The following FRYL variants were observed in gnomAD, a reference collection of about 807,000 sequenced individuals.
FRYL encodes the protein FRY like transcription coactivator.
A neutral mutation model predicts 351.2 loss-of-function variants in FRYL; 150 were observed. The observed-to-expected ratio is 0.43, with a 90% CI of 0.37 to 0.49. The LOEUF (loss-of-function observed/expected upper bound fraction) is 0.49, where lower values mean the gene tolerates loss of function less well. Ranked by LOEUF, FRYL falls within the 20% of genes least tolerant of loss-of-function variation. The pLI is 0.00. For missense variants in FRYL, 3,036 were observed against 3,619.3 expected, an observed-to-expected ratio of 0.84 and a Z score of 4.13; for synonymous variants, 1,153 against 1,257.1, an observed-to-expected ratio of 0.92 and a Z score of 1.75.
At chr4:48,578,422 C>CA (rs1420231439) in intron 23 of FRYL, among the ~76,000 whole-genome samples, 1 of 151,938 alleles carries the variant, frequency 6.6e-6, no homozygotes, top group Non-Finnish European at 1.5e-5. Flanking sequence ...TATTTAAGAG[C>CA]AAAAAAACAA....
At chr4:48,648,847 G>A (rs1223577471) in intron 3 of FRYL, among the ~76,000 whole-genome samples, 3 of 152,156 alleles carry the variant, frequency 2.0e-5, no homozygotes, top group Non-Finnish European at 2.9e-5. Context: ...AGAATAATGA[G>A]TATGAGGTTT....
intron 2 of FRYL, among the ~76,000 whole-genome samples, chr4:48,697,202 T>C (rs1766280076): frequency 6.6e-6 from 1 of 152,068 alleles, no homozygotes; most frequent in Non-Finnish European, 1.5e-5. Context: ...AAGACATTTC[T>C]TATAACAGCC....
At chr4:48,675,905 A>G (rs1317415263) in intron 3 of FRYL, among the ~76,000 whole-genome samples, 1 of 152,186 alleles carries the variant, frequency 6.6e-6, no homozygotes, top group African/African-American at 2.4e-5. Flanking sequence ...AAATACACCA[A>G]TCAGCACCCT....
intron 2 of FRYL, among the ~76,000 whole-genome samples, chr4:48,705,349 T>A (rs1767210683): frequency 6.6e-6 from 1 of 151,270 alleles, no homozygotes; most frequent in Admixed American, 6.6e-5. Flanking sequence ...ACAATCCAAG[T>A]CCCCATCAAT....
intron 23 of FRYL, among the ~76,000 whole-genome samples, chr4:48,577,859 G>T (rs950331138): frequency 6.6e-6 from 1 of 151,332 alleles, no homozygotes; most frequent in African/African-American, 2.4e-5. Flanking sequence ...CTAAGTGACA[G>T]AGTGAGACCC....
intron 2 of FRYL, among the ~76,000 whole-genome samples, chr4:48,690,319 G>C (rs1356603054): frequency 2.6e-5 from 4 of 151,812 alleles, no homozygotes; most frequent in Admixed American, 2.6e-4. Context: ...TATTCCATTT[G>C]TACTGCTCAT....
intron 60 of FRYL, among the ~76,000 whole-genome samples, chr4:48,503,865 G>C (rs181544229): frequency 2.1e-3 from 314 of 152,254 alleles, no homozygotes; most frequent in Non-Finnish European, 2.4e-3. Context: ...TGAGGGTTTA[G>C]TTCATACAGT....
chr4:48,668,324 G>T (rs1255740966), intron 3 of FRYL, among the ~76,000 whole-genome samples: 1 of 150,896 alleles, frequency 6.6e-6, no homozygotes, highest in African/African-American at 2.4e-5. Flanking sequence ...TGAAACTAAG[G>T]CTGGAGATCG....
chr4:48,523,058 A>C lies in FRYL; in HGVS notation c.7364T>G (p.Leu2455Arg). 6.2e-7 allele frequency: 1 copy of C among 1,613,956 alleles called. No homozygotes were observed. Among genetic ancestry groups the C allele is most frequent in the Non-Finnish European group, 8.5e-7 (1 of 1,179,914 alleles). The change falls in exon 54 of 64, where the codon CTG becomes CGG. Residue 2455 changes from leucine to arginine, a missense_variant. Transcript: ENST00000358350. The stretch of plus-strand genomic sequence containing the variant: ...AGTGTCCCCTTTGTCAATACTGTCC[A>C]GTGAGCGCCTGCGAACTCCCCAGTT... ...NFNWGVRRRS[L>R]DSIDKGDTPS...
chr4:48,545,383 C>T (rs1301696731), intron 42 of FRYL, among the ~76,000 whole-genome samples: 1 of 152,088 alleles, frequency 6.6e-6, no homozygotes, highest in Non-Finnish European at 1.5e-5. Context: ...TAACACAGGC[C>T]CAAAGTGCCC....
chr4:48,683,387 C>G (rs1215328252), intron 3 of FRYL, among the ~76,000 whole-genome samples: 1 of 150,248 alleles, frequency 6.7e-6, no homozygotes, highest in Non-Finnish European at 1.5e-5. Flanking sequence ...CCTGCACATT[C>G]TGCACATGTA....
At chr4:48,724,639 A>G (rs1286945766) in intron 1 of FRYL, among the ~76,000 whole-genome samples, 1 of 152,212 alleles carries the variant, frequency 6.6e-6, no homozygotes, top group Non-Finnish European at 1.5e-5. Flanking sequence ...ACAGGAACTC[A>G]ATAAACATTT....
chr4:48,690,752 T>C (rs1252287860), intron 2 of FRYL, among the ~76,000 whole-genome samples: 1 of 152,154 alleles, frequency 6.6e-6, no homozygotes, highest in Non-Finnish European at 1.5e-5. Context: ...TTTTTAATTA[T>C]ACAATGGAAC....
chr4:48,746,654 T>C (rs961930042), intron 1 of FRYL, among the ~76,000 whole-genome samples: 1 of 152,170 alleles, frequency 6.6e-6, no homozygotes, highest in Non-Finnish European at 1.5e-5. Flanking sequence ...CTGAGCAGTC[T>C]GTGACTGCCT....
chr4:48,741,319 G>A (rs984975686), intron 1 of FRYL, among the ~76,000 whole-genome samples: 6 of 152,012 alleles, frequency 3.9e-5, no homozygotes, highest in Non-Finnish European at 8.8e-5. Flanking sequence ...CGAGGCAGGC[G>A]GATCACGAAA....
At chr4:48,525,152 T>C (rs1382350567) in intron 53 of FRYL, among the ~76,000 whole-genome samples, 58 of 147,844 alleles carry the variant, frequency 3.9e-4, no homozygotes, top group Middle Eastern at 3.4e-3. Context: ...TTGCAACTTT[T>C]ATTTTTAAAG....
At chr4:48,509,001 CAA>C (rs1172557925) in intron 59 of FRYL, among the ~76,000 whole-genome samples, 1 of 152,202 alleles carries the variant, frequency 6.6e-6, no homozygotes, top group Non-Finnish European at 1.5e-5. Flanking sequence ...GGTGTGGCGA[CAA>C]GAGAAGCATG....
intron 22 of FRYL, 134 bp from the exon 23 acceptor site, chr4:48,579,375 A>C (rs1269067711): frequency 4.4e-6 from 3 of 684,380 alleles, no homozygotes; most frequent in Non-Finnish European, 7.0e-6. Context: ...TGGTAGGTTG[A>C]AGGGAGTAGA....
rs139892856 is a variant in FRYL at position 48,729,998 on chromosome 4, C to T, written c.-383-19300G>A. On this transcript the variant is annotated intron_variant, in intron 1 of 63. Transcript: ENST00000358350. ...CTAAAAACTTTGAAAAAAGGTTAGA[C>T]GAATGGCTAATTAGAATAACCAGTG... is the stretch of plus-strand genomic sequence containing the variant. Among the ~76,000 whole-genome samples, 1,268 of 152,162 alleles carry T rather than the reference C, an allele frequency of 8.3e-3. 4 individuals are homozygous for T. The highest frequency in any genetic ancestry group is 0.016 in the East Asian group (85 of 5,170).
Sources: allele counts gnomAD v4.1 joint callset (sites outside exome capture counted in the v4.1 genomes callset), GRCh38; gene constraint gnomAD v4.1.1; transcripts MANE v1.5; gene names NCBI Gene and HGNC (gene_info 2026-07-23, HGNC 2026-07-21).